Variants in SLCO1B3 observed in about 807,000 individuals in gnomAD.
The protein encoded by SLCO1B3 is liver-specific organic anion transporter 2.
SLCO1B3 carries 72 observed loss-of-function variants against 71.8 expected under a neutral mutation model. That is an observed-to-expected ratio of 1.00 (90% CI 0.83 to 1.22). The LOEUF (loss-of-function observed/expected upper bound fraction) is 1.22, where lower values mean the gene tolerates loss of function less well. Ranked by LOEUF, SLCO1B3 falls within the 50% of genes most tolerant of loss-of-function variation. The probability of loss-of-function intolerance (pLI) is 0.00; values close to 1 mark genes in which losing one functional copy is unlikely to be tolerated. For synonymous variants in SLCO1B3, 298 were observed against 278.4 expected (o/e 1.07, Z -0.70); for missense variants, 911 against 819.7 (o/e 1.11, Z -1.36).
intron 8 of SLCO1B3, among the ~76,000 whole-genome samples, chr12:20,868,140 G>C (rs1213325763): frequency 6.6e-6 from 1 of 152,160 alleles, no homozygotes; most frequent in Non-Finnish European, 1.5e-5. Flanking sequence ...TATGTTGACT[G>C]TTTATGCTAT....
At chr12:20,861,737 GA>G (rs1865269835) in intron 6 of SLCO1B3, among the ~76,000 whole-genome samples, 1 of 72,080 alleles carries the variant, frequency 1.4e-5, no homozygotes, top group African/African-American at 3.0e-5. Flanking sequence ...AAAAATAAAT[GA>G]AGTGGAGGAA....
At chr12:20,902,589 T>A (rs985545435) in intron 15 of SLCO1B3, among the ~76,000 whole-genome samples, 1 of 152,120 alleles carries the variant, frequency 6.6e-6, no homozygotes, top group African/African-American at 2.4e-5. Context: ...GAAACAAAAC[T>A]ACCTGTAAGT....
chr12:20,843,262 C>T (rs112935819), intron 3 of SLCO1B3, among the ~76,000 whole-genome samples: 3 of 151,988 alleles, frequency 2.0e-5, no homozygotes, highest in East Asian at 1.9e-4. Context: ...AAGACAATTA[C>T]AAAATTATCA....
At chr12:20,832,746 G>T (rs1314531496) in intron 3 of SLCO1B3, among the ~76,000 whole-genome samples, 1 of 152,048 alleles carries the variant, frequency 6.6e-6, no homozygotes, top group Non-Finnish European at 1.5e-5. Flanking sequence ...CAGATGTCTT[G>T]TACTTTCATG....
chr12:20,813,766 T>C (rs1864145331), intron 2 of SLCO1B3, 128 bp downstream of exon 2: 1 of 152,200 alleles, frequency 6.6e-6, no homozygotes, highest in Non-Finnish European at 1.5e-5. Context: ...AGTTATGTAT[T>C]GATCCGTTGA....
rs572749407 is a variant in SLCO1B3 at position 20,914,369 on chromosome 12, A to C, written c.1866-1635A>C. ...GTTTATATTTTAGTAACACTTTATTAGTTCACAGATTATGAGTACCCTTAT... is the reference window on the plus strand; with the variant it reads ...GTTTATATTTTAGTAACACTTTATTCGTTCACAGATTATGAGTACCCTTAT... On this transcript the variant is annotated intron_variant, in intron 15 of 15. Transcript: ENST00000381545. Among the ~76,000 whole-genome samples, 21 of 152,228 alleles carry C rather than the reference A, an allele frequency of 1.4e-4. No homozygotes were observed. In the East Asian group the frequency reaches 3.7e-3, roughly 27 times the overall value.
intron 3 of SLCO1B3, among the ~76,000 whole-genome samples, chr12:20,823,109 T>G (rs907965521): frequency 6.6e-6 from 1 of 152,118 alleles, no homozygotes; most frequent in Non-Finnish European, 1.5e-5. Context: ...AAACACACAG[T>G]AGAAGGAACA....
intron 15 of SLCO1B3, among the ~76,000 whole-genome samples, chr12:20,910,170 G>A (rs1431247005): frequency 6.6e-6 from 1 of 152,108 alleles, no homozygotes; most frequent in Non-Finnish European, 1.5e-5. Flanking sequence ...TATTTTGCAT[G>A]TGGATATCTA....
At chr12:20,876,732 A>G (rs1220131926) in intron 9 of SLCO1B3, among the ~76,000 whole-genome samples, 2 of 152,168 alleles carry the variant, frequency 1.3e-5, no homozygotes, top group East Asian at 1.9e-4. Flanking sequence ...CACATCATTG[A>G]TAAGTTTTTG....
chr12:20,815,918 A>C, intron 3 of SLCO1B3, 96 bp downstream of exon 3: 269 of 583,086 alleles, frequency 4.6e-4, no homozygotes, highest in Non-Finnish European at 6.0e-4. Context: ...ATTATATCTC[A>C]TATTACAATT....
intron 8 of SLCO1B3, among the ~76,000 whole-genome samples, chr12:20,869,096 C>A (rs1391158220): frequency 1.3e-5 from 2 of 152,152 alleles, no homozygotes; most frequent in Non-Finnish European, 2.9e-5. Context: ...TGACTAATAT[C>A]ACAAGAGGTG....
rs1057447879 is a variant in SLCO1B3, at chr12:20,830,814, C to A, written c.84+14992C>A. ...TTTGAATAATATTTCAGCAGAATGGCAATCATAAGGAAAAAGTATTGGCTA... is the reference window on the plus strand; with the variant it reads ...TTTGAATAATATTTCAGCAGAATGGAAATCATAAGGAAAAAGTATTGGCTA... On this transcript the variant is annotated intron_variant, in intron 3 of 15. Coordinates refer to ENST00000381545, the MANE Select transcript of SLCO1B3 (RefSeq NM_019844.4). 2.6e-5 allele frequency among the ~76,000 whole-genome samples: 4 copies of A among 152,126 alleles called. No individual in the cohort carries two copies. The East Asian group carries it at 7.7e-4, about 29-fold the overall frequency.
At chr12:20,832,891 A>C (rs1864573176) in intron 3 of SLCO1B3, among the ~76,000 whole-genome samples, 1 of 152,140 alleles carries the variant, frequency 6.6e-6, no homozygotes, top group Admixed American at 6.5e-5. Context: ...CCCAAAACGC[A>C]CCTGTGTAGA....
chr12:20,849,686 T>G (rs1302174533), intron 3 of SLCO1B3, among the ~76,000 whole-genome samples: 1 of 16,136 alleles, frequency 6.2e-5, no homozygotes, highest in African/African-American at 8.1e-5. Context: ...AGCTAATAAA[T>G]AAAGAAAAAT....
At chr12:20,878,641 G>A (rs1865630104) in intron 10 of SLCO1B3, among the ~76,000 whole-genome samples, 1 of 152,168 alleles carries the variant, frequency 6.6e-6, no homozygotes, top group Non-Finnish European at 1.5e-5. Context: ...ATGTACTGAA[G>A]CATTGGAACA....
intron 12 of SLCO1B3, among the ~76,000 whole-genome samples, chr12:20,882,643 A>T (rs569861940): frequency 1.4e-4 from 22 of 152,156 alleles, no homozygotes; most frequent in African/African-American, 5.3e-4. Flanking sequence ...TGACCTCATG[A>T]TACGCCTGCC....
At chr12:20,817,749 A>G (rs958545596) in intron 3 of SLCO1B3, among the ~76,000 whole-genome samples, 2 of 149,276 alleles carry the variant, frequency 1.3e-5, no homozygotes, top group Non-Finnish European at 3.0e-5. Flanking sequence ...CACCACACCC[A>G]GCTAATTTTT....
intron 13 of SLCO1B3, among the ~76,000 whole-genome samples, chr12:20,894,447 T>C (rs1192262682): frequency 6.6e-6 from 1 of 152,130 alleles, no homozygotes; most frequent in Non-Finnish European, 1.5e-5. Flanking sequence ...CTCCACTGAA[T>C]TGTTGAAGAT....
In SLCO1B3 at chr12:20,877,946, A is replaced by AT. The variant is rs759120616; in HGVS notation, c.1135+16dup. 4 of 1,569,270 alleles carry AT rather than the reference A, an allele frequency of 2.5e-6. No homozygotes were observed. The highest frequency in any genetic ancestry group is 1.2e-5 in the South Asian group (1 of 83,762). On this transcript the variant is annotated intron_variant, in intron 10 of 15. Coordinates refer to ENST00000381545, the MANE Select transcript of SLCO1B3 (RefSeq NM_019844.4). ...GCTAACTTTTTGTTGGGTAAGACATATTTTTTACCTGTTTGCTTGATAAAT... is the reference window on the plus strand; with the variant it reads ...GCTAACTTTTTGTTGGGTAAGACATATTTTTTTACCTGTTTGCTTGATAAAT...
Sources: allele counts gnomAD v4.1 joint callset (sites outside exome capture counted in the v4.1 genomes callset), GRCh38; gene constraint gnomAD v4.1.1; transcripts MANE v1.5; gene names NCBI Gene and HGNC (gene_info 2026-07-23, HGNC 2026-07-21).